The following KIF6 variants were observed in gnomAD, a reference collection of about 807,000 sequenced individuals.
The protein encoded by KIF6 is kinesin family member 6, also known as kinesin-like protein KIF6.
KIF6 carries 106 observed loss-of-function variants against 112.7 expected under a neutral mutation model. That is an observed-to-expected ratio of 0.94 (90% CI 0.80 to 1.11). KIF6 has a LOEUF of 1.11. Ranked by LOEUF, KIF6 falls within the 50% of genes least tolerant of loss-of-function variation. The probability of loss-of-function intolerance (pLI) is 0.00; values close to 1 mark genes in which losing one functional copy is unlikely to be tolerated. For synonymous variants in KIF6, 339 were observed against 339.9 expected, an observed-to-expected ratio of 1.00 and a Z score of 0.03; for missense variants, 929 against 964.0, an observed-to-expected ratio of 0.96 and a Z score of 0.48.
intron 14 of KIF6, among the ~76,000 whole-genome samples, chr6:39,424,869 G>A (rs1175282390): frequency 2.0e-5 from 3 of 152,166 alleles, no homozygotes; most frequent in African/African-American, 7.2e-5. Context: ...GCAAGTCAAT[G>A]GTCAAGGACA....
chr6:39,632,379 T>C (rs371581031), intron 5 of KIF6, among the ~76,000 whole-genome samples: 1 of 152,094 alleles, frequency 6.6e-6, no homozygotes, highest in Non-Finnish European at 1.5e-5. Flanking sequence ...TATATTGCCA[T>C]TGTCCCTCAA....
At chr6:39,499,493 G>A (rs1775985059) in intron 13 of KIF6, among the ~76,000 whole-genome samples, 2 of 152,108 alleles carry the variant, frequency 1.3e-5, no homozygotes, top group South Asian at 4.2e-4. Context: ...TAGGAGTATG[G>A]CATATCTGAT....
At chr6:39,724,750 T>A (rs1790436005) in intron 1 of KIF6, among the ~76,000 whole-genome samples, 2 of 152,218 alleles carry the variant, frequency 1.3e-5, no homozygotes, top group South Asian at 4.1e-4. Flanking sequence ...TACATATGTG[T>A]ATGCTTTGTG....
intron 13 of KIF6, among the ~76,000 whole-genome samples, chr6:39,449,843 C>T (rs11752372): frequency 5.3e-5 from 8 of 152,182 alleles, no homozygotes; most frequent in Non-Finnish European, 5.9e-5. Flanking sequence ...GAGCTTTTTC[C>T]TCTCTGCCCC....
intron 3 of KIF6, among the ~76,000 whole-genome samples, chr6:39,674,701 T>A (rs1184034563): frequency 6.6e-6 from 1 of 151,802 alleles, no homozygotes; most frequent in East Asian, 1.9e-4. Context: ...TCCTGGGCTA[T>A]GTACATGAAT....
At chr6:39,460,920 C>A (rs955247921) in intron 13 of KIF6, among the ~76,000 whole-genome samples, 2 of 152,184 alleles carry the variant, frequency 1.3e-5, no homozygotes, top group Non-Finnish European at 2.9e-5. Flanking sequence ...ACATGGCAGG[C>A]TTCAACTCAT....
intron 10 of KIF6, among the ~76,000 whole-genome samples, chr6:39,560,314 A>T (rs76130477): frequency 0.012 from 1,877 of 152,344 alleles, 40 homozygotes; most frequent in African/African-American, 0.042. Flanking sequence ...TTTTCAATTG[A>T]TTTTAAAGCT....
chr6:39,367,410 C>T (rs964310798), intron 16 of KIF6, among the ~76,000 whole-genome samples: 2 of 152,170 alleles, frequency 1.3e-5, no homozygotes, highest in African/African-American at 4.8e-5. Flanking sequence ...GACAGCAGCA[C>T]AGGAGCTCAC....
intron 3 of KIF6, among the ~76,000 whole-genome samples, chr6:39,703,042 T>TC (rs1788961281): frequency 2.7e-5 from 1 of 37,514 alleles, no homozygotes; most frequent in Non-Finnish European, 5.5e-5. Context: ...CACCCCCATT[T>TC]CCACCCCCCG....
intron 16 of KIF6, among the ~76,000 whole-genome samples, chr6:39,376,574 A>C (rs948975783): frequency 2.0e-5 from 3 of 152,222 alleles, no homozygotes; most frequent in African/African-American, 7.2e-5. Flanking sequence ...TCACTCATTC[A>C]TTCAATAAAC....
At chr6:39,482,590 A>G (rs1417654453) in intron 13 of KIF6, among the ~76,000 whole-genome samples, 1 of 152,186 alleles carries the variant, frequency 6.6e-6, no homozygotes, top group Non-Finnish European at 1.5e-5. Context: ...ACCTTGAGAA[A>G]TTTAGCTTAT....
At chr6:39,528,662 T>C (rs1268861284) in intron 13 of KIF6, among the ~76,000 whole-genome samples, 7 of 152,224 alleles carry the variant, frequency 4.6e-5, no homozygotes, top group African/African-American at 1.7e-4. Flanking sequence ...TGATAATAGC[T>C]ATTCTGACAG....
At chr6:39,550,579 G>A (rs946925830) in intron 10 of KIF6, among the ~76,000 whole-genome samples, 5 of 152,208 alleles carry the variant, frequency 3.3e-5, no homozygotes, top group Non-Finnish European at 2.9e-5. Context: ...AGTTGGTGGG[G>A]CAGAGCTTCC....
chr6:39,700,678 C>T (rs1486728120), intron 3 of KIF6, among the ~76,000 whole-genome samples: 2 of 151,718 alleles, frequency 1.3e-5, no homozygotes, highest in Admixed American at 6.6e-5. Flanking sequence ...ATAATTGGTT[C>T]ATCTGAAGTT....
intron 10 of KIF6, among the ~76,000 whole-genome samples, chr6:39,561,890 T>TTGTGTAAC (rs1420088180): frequency 3.9e-5 from 6 of 152,194 alleles, no homozygotes; most frequent in Non-Finnish European, 7.3e-5. Context: ...GAGCTTCTAG[T>TTGTGTAAC]TGTGTAACTG....
chr6:39,684,073 C>G (rs992865251), intron 3 of KIF6, among the ~76,000 whole-genome samples: 3 of 152,196 alleles, frequency 2.0e-5, no homozygotes, highest in Non-Finnish European at 4.4e-5. Context: ...TCCAAGGAAG[C>G]CTGGATTGTG....
At chr6:39,481,733 T>G (rs1486038560) in intron 13 of KIF6, among the ~76,000 whole-genome samples, 1 of 152,196 alleles carries the variant, frequency 6.6e-6, no homozygotes, top group East Asian at 1.9e-4. Context: ...TTTGCTTCTA[T>G]CAGGGTGGGT....
chr6:39,419,927 C>T (rs2150364294), intron 15 of KIF6, 21 bp downstream of exon 15: 1 of 1,599,056 alleles, frequency 6.3e-7, no homozygotes, highest in Non-Finnish European at 8.6e-7. Flanking sequence ...GAAAGAGGCT[C>T]ACAGAATATC....
At chr6:39,387,183 A>G (rs957343407) in intron 15 of KIF6, among the ~76,000 whole-genome samples, 1 of 152,070 alleles carries the variant, frequency 6.6e-6, no homozygotes, top group Non-Finnish European at 1.5e-5. Context: ...ATTAAGTTAT[A>G]TGTAAGGAAT....
Sources: allele counts gnomAD v4.1 joint callset (sites outside exome capture counted in the v4.1 genomes callset), GRCh38; gene constraint gnomAD v4.1.1; transcripts MANE v1.5; gene names NCBI Gene and HGNC (gene_info 2026-07-23, HGNC 2026-07-21).